MLF1: variants seen among roughly 807,000 people sequenced by gnomAD.
MLF1 encodes the protein myeloid leukemia factor 1, also known as myelodysplasia-myeloid leukemia factor 1.
Under a neutral mutation model 38.3 loss-of-function variants are expected in MLF1, and 37 were observed. That is an observed-to-expected ratio of 0.96 (90% CI 0.74 to 1.27). The LOEUF (loss-of-function observed/expected upper bound fraction) is 1.27, where lower values mean the gene tolerates loss of function less well. Ranked by LOEUF, MLF1 falls within the 50% of genes most tolerant of loss-of-function variation. The pLI is 0.00. For missense variants in MLF1, 331 were observed against 349.2 expected (o/e 0.95, Z 0.42); for synonymous variants, 95 against 106.5 (o/e 0.89, Z 0.66).
At chr3:158,597,923 C>G (rs1202028421) in intron 4 of MLF1, among the ~76,000 whole-genome samples, 157 bp from the exon 5 acceptor site, 2 of 152,180 alleles carry the variant, frequency 1.3e-5, no homozygotes, top group Non-Finnish European at 2.9e-5. Context: ...TTTCAAGTCA[C>G]TTCTCACTTG....
chr3:158,595,135 G>A (rs968062369), intron 3 of MLF1, among the ~76,000 whole-genome samples: 12 of 152,096 alleles, frequency 7.9e-5, no homozygotes, highest in Non-Finnish European at 1.5e-4. Flanking sequence ...ATTTCAGATA[G>A]TCACAGTACC....
intron 1 of MLF1, among the ~76,000 whole-genome samples, chr3:158,583,188 A>C (rs1205623465): frequency 6.6e-6 from 1 of 152,100 alleles, no homozygotes; most frequent in Non-Finnish European, 1.5e-5. Context: ...GGAAGAATTT[A>C]ATTTGCAGTC....
chr3:158,587,871 T>G lies in MLF1; in HGVS notation c.48-4563T>G, dbSNP rs1404824457. On this transcript the variant is annotated intron_variant, in intron 1 of 7. Transcript: ENST00000466246. ...AAAAAATTAGCCGGGCCTGGCGGCG[T>G]GCGCCTGTAGTCCCAGCTGCTGGGG... Among the ~76,000 whole-genome samples the G allele has an allele frequency of 6.3e-4, 96 of 152,118 alleles. 2 individuals carry two copies. Among genetic ancestry groups the G allele is most frequent in the Admixed American group, 1.0e-3 (16 of 15,276 alleles).
intron 1 of MLF1, among the ~76,000 whole-genome samples, chr3:158,574,175 T>C (rs1297691642): frequency 1.3e-5 from 2 of 152,086 alleles, no homozygotes; most frequent in South Asian, 2.1e-4. Flanking sequence ...AATAAAAAGA[T>C]AATGAACAGT....
In MLF1 at chr3:158,572,621, G is replaced by C. The variant is rs1310823769; in HGVS notation, c.47+1274G>C. Among the ~76,000 whole-genome samples the C allele has an allele frequency of 5.1e-5, 7 of 136,700 alleles. No homozygotes were observed. In the East Asian group the frequency reaches 1.6e-3, roughly 32 times the overall value. The allele number at this position is 136,700 out of a possible 152,430, so 89.7% of individuals were successfully genotyped here. A position where few individuals can be genotyped will look rare whatever the true frequency, so the allele number is the denominator to read the frequency against. On this transcript the variant is annotated intron_variant, in intron 1 of 7. Coordinates refer to ENST00000466246, the MANE Select transcript of MLF1 (RefSeq NM_001369783.1). ...CGTGAGGTAGGGGGAAGAGGTTTGA[G>C]GGTGAGAGGTAGTGGGACGAGGGAG...
intron 2 of MLF1, among the ~76,000 whole-genome samples, chr3:158,593,018 T>A (rs1162436234): frequency 5.9e-5 from 9 of 152,170 alleles, no homozygotes; most frequent in Non-Finnish European, 1.3e-4. Context: ...TGGTTACGTA[T>A]GGACCTTCAA....
chr3:158,586,226 T>C (rs1717238605), intron 1 of MLF1, among the ~76,000 whole-genome samples: 1 of 151,278 alleles, frequency 6.6e-6, no homozygotes, highest in South Asian at 2.1e-4. Context: ...TTTTTTTTAA[T>C]CTACACTTGG....
At chr3:158,580,897 G>A (rs1385928625) in intron 1 of MLF1, among the ~76,000 whole-genome samples, 1 of 152,064 alleles carries the variant, frequency 6.6e-6, no homozygotes, top group East Asian at 1.9e-4. Context: ...GCTGCAGTGA[G>A]CCATGAACAT....
chr3:158,584,920 T>G (rs1425292402), intron 1 of MLF1, among the ~76,000 whole-genome samples: 1 of 151,432 alleles, frequency 6.6e-6, no homozygotes, highest in African/African-American at 2.4e-5. Context: ...CATCTGTAGT[T>G]TCAGCTACTA....
intron 1 of MLF1, among the ~76,000 whole-genome samples, chr3:158,592,173 GT>G (rs2108617210): frequency 6.6e-6 from 1 of 152,240 alleles, no homozygotes; most frequent in Non-Finnish European, 1.5e-5. Flanking sequence ...TTGAAGTACT[GT>G]TTCTCCTGAA....
intron 1 of MLF1, among the ~76,000 whole-genome samples, chr3:158,590,542 G>A (rs577815793): frequency 6.6e-6 from 1 of 152,314 alleles, no homozygotes; most frequent in South Asian, 2.1e-4. Flanking sequence ...ACTGATATAT[G>A]TATGAACTTA....
intron 6 of MLF1, among the ~76,000 whole-genome samples, 167 bp from the exon 7 acceptor site, chr3:158,602,640 C>G (rs1174407093): frequency 1.3e-5 from 2 of 152,136 alleles, no homozygotes; most frequent in African/African-American, 4.8e-5. Context: ...GACAGGAAAA[C>G]AAATACTACT....
chr3:158,571,788 G>A (rs1459782908), intron 1 of MLF1, among the ~76,000 whole-genome samples: 2 of 74,942 alleles, frequency 2.7e-5, no homozygotes, highest in Non-Finnish European at 5.2e-5. Context: ...AGGGCGTGAG[G>A]TGAGGGGAAG....
intron 3 of MLF1, among the ~76,000 whole-genome samples, chr3:158,594,181 G>A (rs1166109927): frequency 6.6e-6 from 1 of 152,138 alleles, no homozygotes; most frequent in African/African-American, 2.4e-5. Context: ...AGAGTTATGA[G>A]TAAAATGATC....
chr3:158,594,096 A>G (rs1274798758), intron 3 of MLF1, among the ~76,000 whole-genome samples: 1 of 152,164 alleles, frequency 6.6e-6, no homozygotes, highest in African/African-American at 2.4e-5. Context: ...GAAGTTTGGC[A>G]TACAGGTATA....
chr3:158,572,390 G>C (rs1276936628), intron 1 of MLF1, among the ~76,000 whole-genome samples: 2 of 142,658 alleles, frequency 1.4e-5, no homozygotes, highest in African/African-American at 2.6e-5. Context: ...AAGTGCAGGG[G>C]AGGATTGAGG....
chr3:158,583,388 C>A (rs1027160401), intron 1 of MLF1, among the ~76,000 whole-genome samples: 2 of 152,078 alleles, frequency 1.3e-5, no homozygotes, highest in Non-Finnish European at 2.9e-5. Flanking sequence ...CTCAGACTTC[C>A]AGCCTCCAGA....
At position 158,605,640 on chromosome 3, in the gene MLF1, T is replaced by G. The variant is rs1237613584; in HGVS notation, c.*438T>G. 1 of 185,436 alleles carries G rather than the reference T, an allele frequency of 5.4e-6. No individual in the cohort carries two copies. Among genetic ancestry groups the G allele is most frequent in the Admixed American group, 6.2e-5 (1 of 16,094 alleles). 11.5% of individuals were successfully genotyped at this position (185,436 alleles called of 1,614,324 possible). A position where few individuals can be genotyped will look rare whatever the true frequency, so the allele number is the denominator to read the frequency against. ...TGATATTAATAAAGGTTTAAATAAT[T>G]TATCTCTAATTTTATAATGTGTTGT... is the stretch of plus-strand genomic sequence containing the variant. On this transcript the variant is annotated 3_prime_UTR_variant, in exon 8 of 8. Coordinates refer to ENST00000466246, the MANE Select transcript of MLF1 (RefSeq NM_001369783.1).
intron 3 of MLF1, among the ~76,000 whole-genome samples, chr3:158,593,728 A>G (rs1443793732): frequency 6.6e-6 from 1 of 152,224 alleles, no homozygotes; most frequent in Non-Finnish European, 1.5e-5. Flanking sequence ...AAAGTTGGGG[A>G]CTTCCACATG....
Sources: allele counts gnomAD v4.1 joint callset (sites outside exome capture counted in the v4.1 genomes callset), GRCh38; gene constraint gnomAD v4.1.1; transcripts MANE v1.5; gene names NCBI Gene and HGNC (gene_info 2026-07-23, HGNC 2026-07-21).